ASIC2: variants seen among roughly 807,000 people sequenced by gnomAD.
ASIC2 encodes the protein acid sensing ion channel subunit 2.
A neutral mutation model predicts 57.3 loss-of-function variants in ASIC2; 25 were observed. The ratio of observed to expected loss-of-function variants is 0.44; its 90% CI spans 0.32 to 0.61. ASIC2 has a LOEUF of 0.61. Ranked by LOEUF, ASIC2 falls within the 20% of genes least tolerant of loss-of-function variation. The pLI, the probability that ASIC2 is intolerant of heterozygous loss-of-function variation, is 0.06. For synonymous variants in ASIC2, 319 were observed against 307.5 expected (o/e 1.04, Z -0.39); for missense variants, 641 against 738.1 (o/e 0.87, Z 1.52).
chr17:33,418,482 T>C (rs1305014495), intron 1 of ASIC2, among the ~76,000 whole-genome samples: 2 of 152,240 alleles, frequency 1.3e-5, no homozygotes, highest in Non-Finnish European at 2.9e-5. Flanking sequence ...GGTTTTCTTC[T>C]AGGGTTTTTA....
At chr17:33,392,075 T>G (rs1021084596) in intron 1 of ASIC2, among the ~76,000 whole-genome samples, 2 of 152,166 alleles carry the variant, frequency 1.3e-5, no homozygotes, top group African/African-American at 4.8e-5. Flanking sequence ...AATCTTGGAG[T>G]TTAAAACATG....
chr17:33,403,310 T>TC (rs35970222), intron 1 of ASIC2, among the ~76,000 whole-genome samples: 76,238 of 152,002 alleles, frequency 0.5, 19,269 homozygotes, highest in South Asian at 0.54. Flanking sequence ...GCACACAGCT[T>TC]CTACCTCCAC....
chr17:33,639,123 A>G (rs1906471789), intron 1 of ASIC2, among the ~76,000 whole-genome samples: 1 of 151,860 alleles, frequency 6.6e-6, no homozygotes, highest in Admixed American at 6.6e-5. Context: ...CAACCAGCCA[A>G]GCAGACCAAG....
At chr17:33,380,442 G>A (rs920301745) in intron 1 of ASIC2, among the ~76,000 whole-genome samples, 3 of 152,150 alleles carry the variant, frequency 2.0e-5, no homozygotes, top group African/African-American at 7.2e-5. Context: ...GATGTAGAAA[G>A]TGTTACCTTC....
intron 1 of ASIC2, among the ~76,000 whole-genome samples, chr17:33,914,754 T>A (rs1303669184): frequency 6.6e-6 from 1 of 152,178 alleles, no homozygotes; most frequent in Non-Finnish European, 1.5e-5. Context: ...TTCAATGACC[T>A]CAAGATGCCT....
intron 1 of ASIC2, among the ~76,000 whole-genome samples, chr17:33,130,689 C>G (rs1403804399): frequency 6.6e-6 from 1 of 152,146 alleles, no homozygotes; most frequent in Non-Finnish European, 1.5e-5. Context: ...CTTTTTCCTC[C>G]TGGAGGGGGG....
intron 1 of ASIC2, among the ~76,000 whole-genome samples, chr17:34,074,615 C>T (rs1909553893): frequency 6.6e-6 from 1 of 152,120 alleles, no homozygotes; most frequent in East Asian, 1.9e-4. Flanking sequence ...CTAGTCCAAA[C>T]CCTGCGAGTA....
At chr17:33,086,226 C>A (rs918485666) in intron 3 of ASIC2, among the ~76,000 whole-genome samples, 11 of 152,174 alleles carry the variant, frequency 7.2e-5, no homozygotes, top group African/African-American at 2.7e-4. Flanking sequence ...TGAAAAATAG[C>A]AGCCTACAGA....
chr17:33,385,826 G>C (rs1178238632), intron 1 of ASIC2, among the ~76,000 whole-genome samples: 1 of 152,180 alleles, frequency 6.6e-6, no homozygotes, highest in Non-Finnish European at 1.5e-5. Flanking sequence ...AATGGGCAGA[G>C]GAATCCCTGT....
chr17:33,904,334 T>C (rs915926767), intron 1 of ASIC2, among the ~76,000 whole-genome samples: 13 of 152,078 alleles, frequency 8.5e-5, no homozygotes, highest in Non-Finnish European at 1.3e-4. Flanking sequence ...GGAGCTACAA[T>C]GTAACAAGAT....
chr17:33,432,374 G>C (rs1911450534), intron 1 of ASIC2, among the ~76,000 whole-genome samples: 1 of 152,148 alleles, frequency 6.6e-6, no homozygotes. Context: ...AAATTGGCTG[G>C]GCATGGTGGC....
intron 1 of ASIC2, among the ~76,000 whole-genome samples, chr17:33,486,605 C>T (rs1423334728): frequency 6.6e-6 from 1 of 152,208 alleles, no homozygotes; most frequent in African/African-American, 2.4e-5. Flanking sequence ...TACTGCTCCA[C>T]CCTCCAAGAT....
chr17:34,038,441 C>G, intron 1 of ASIC2: 1 of 1,612,334 alleles, frequency 6.2e-7, no homozygotes, highest in Non-Finnish European at 8.5e-7. Context: ...TTTCTCATCT[C>G]TCCAGTTTTT....
intron 1 of ASIC2, among the ~76,000 whole-genome samples, chr17:33,256,892 G>A (rs1909100423): frequency 6.6e-6 from 1 of 152,174 alleles, no homozygotes; most frequent in Admixed American, 6.5e-5. Flanking sequence ...TTGGAATATG[G>A]GAGGAGGCCA....
At chr17:34,105,903 A>G (rs1186766266) in intron 1 of ASIC2, among the ~76,000 whole-genome samples, 1 of 151,972 alleles carries the variant, frequency 6.6e-6, no homozygotes, top group Non-Finnish European at 1.5e-5. Flanking sequence ...AAATTCATAC[A>G]TTTACATTTA....
chr17:33,550,880 AT>A (rs1162850744), intron 1 of ASIC2, among the ~76,000 whole-genome samples: 20 of 152,154 alleles, frequency 1.3e-4, no homozygotes, highest in African/African-American at 4.8e-4. Flanking sequence ...AGGAGACTAC[AT>A]TTTAGGTAGG....
intron 1 of ASIC2, among the ~76,000 whole-genome samples, chr17:33,702,934 A>G (rs1261462330): frequency 1.3e-5 from 2 of 152,188 alleles, no homozygotes. Context: ...TAAACAAACA[A>G]TATCAGATAG....
intron 1 of ASIC2, among the ~76,000 whole-genome samples, chr17:34,090,058 C>T (rs748579890): frequency 1.3e-5 from 2 of 152,196 alleles, no homozygotes; most frequent in Non-Finnish European, 2.9e-5. Context: ...GGAAGCTTCA[C>T]AGCACTAGGC....
intron 1 of ASIC2, among the ~76,000 whole-genome samples, chr17:33,417,855 T>C (rs2141969284): frequency 6.6e-6 from 1 of 152,288 alleles, no homozygotes; most frequent in South Asian, 2.1e-4. Context: ...CTTTGCTGTC[T>C]GGCTGCTGTG....
Sources: gnomAD v4.1 joint callset for allele counts (sites outside exome capture counted in the v4.1 genomes callset) on GRCh38, gnomAD v4.1.1 for gene constraint, MANE v1.5 for transcripts, NCBI Gene and HGNC (gene_info 2026-07-23, HGNC 2026-07-21) for gene names.